The following SVEP1 variants were observed in gnomAD, a reference collection of about 807,000 sequenced individuals.
SVEP1 encodes sushi, von Willebrand factor type A, EGF and pentraxin domain-containing protein 1.
In SVEP1, 164 loss-of-function variants were observed where a neutral mutation model predicts 367.3. The observed-to-expected ratio is 0.45, with a 90% CI of 0.39 to 0.51. The LOEUF is 0.51. SVEP1 is among the 20% of genes least tolerant of loss of function. SVEP1 has a pLI of 0.00. For missense variants in SVEP1, 4,117 were observed against 4,425.3 expected (o/e 0.93, Z 1.98); for synonymous variants, 1,666 against 1,611.6 (o/e 1.03, Z -0.81).
chr9:110,396,146 G>A (rs113778649), intron 40 of SVEP1, among the ~76,000 whole-genome samples: 1 of 152,126 alleles, frequency 6.6e-6, no homozygotes, highest in East Asian at 1.9e-4. Flanking sequence ...ATAACAAACT[G>A]TCTCTCAGAC....
chr9:110,537,111 G>A (rs746064708), intron 3 of SVEP1, among the ~76,000 whole-genome samples: 4 of 151,852 alleles, frequency 2.6e-5, no homozygotes, highest in Non-Finnish European at 5.9e-5. Flanking sequence ...CTTTTTTGAT[G>A]ATAGATAACC....
chr9:110,403,832 C>G (rs964705094), intron 39 of SVEP1, among the ~76,000 whole-genome samples: 1 of 149,682 alleles, frequency 6.7e-6, no homozygotes, highest in Non-Finnish European at 1.5e-5. Flanking sequence ...ACCAACAATA[C>G]AAGATACGTG....
intron 1 of SVEP1, 141 bp downstream of exon 1, chr9:110,578,870 ACT>A: frequency 1.1e-6 from 1 of 877,300 alleles, no homozygotes. Context: ...GGTAGCGATG[ACT>A]CTGGTTTTGT....
At chr9:110,395,291 C>G (rs1280696498) in intron 40 of SVEP1, among the ~76,000 whole-genome samples, 5 of 152,148 alleles carry the variant, frequency 3.3e-5, no homozygotes, top group Admixed American at 2.6e-4. Flanking sequence ...CCTTTACAGA[C>G]AAGCAAATGC....
intron 43 of SVEP1, among the ~76,000 whole-genome samples, chr9:110,381,933 A>G (rs1827444688): frequency 1.3e-5 from 2 of 152,172 alleles, no homozygotes; most frequent in South Asian, 2.1e-4. Context: ...ACCCTTTACC[A>G]TTATGAAATG....
chr9:110,387,196 T>C (rs1827538197), intron 42 of SVEP1, 89 bp downstream of exon 42: 4 of 1,373,410 alleles, frequency 2.9e-6, no homozygotes, highest in South Asian at 3.3e-5. Flanking sequence ...ATATCCCTTA[T>C]GAGTGGAGCT....
In SVEP1 at chr9:110,489,678, G is replaced by A. The variant is rs1231709575; in HGVS notation, c.1902C>T (p.Ala634=). ...TAACCTTGATATGGAAAATGCAGCT[G>A]GCCTGGTTGCCGGATAGGTCAGTTG... ...YTATDLSGNQ[A]SCIFHIKVID... The change falls in exon 9 of 48, where the codon GCC becomes GCT. Residue 634 remains alanine (A), a synonymous_variant. Coordinates refer to ENST00000374469, the MANE Select transcript of SVEP1 (RefSeq NM_153366.4). 1 of 1,613,262 alleles carries A rather than the reference G, an allele frequency of 6.2e-7. No homozygotes were observed. The highest frequency in any genetic ancestry group is 8.5e-7 in the Non-Finnish European group (1 of 1,179,514).
At chr9:110,445,806 T>C (rs1395462569) in intron 26 of SVEP1, 31 bp downstream of exon 26, 1 of 1,611,930 alleles carries the variant, frequency 6.2e-7, no homozygotes, top group Non-Finnish European at 8.5e-7. Context: ...GATAAGATCT[T>C]AAGCATAGCC....
At chr9:110,385,374 T>C (rs564589462) in intron 43 of SVEP1, among the ~76,000 whole-genome samples, 5 of 152,336 alleles carry the variant, frequency 3.3e-5, no homozygotes, top group Admixed American at 2.6e-4. Flanking sequence ...ATTGCATAAA[T>C]GGAGTAACAA....
chr9:110,471,329 C>T, intron 16 of SVEP1, 35 bp downstream of exon 16: 1 of 1,567,024 alleles, frequency 6.4e-7, no homozygotes, highest in Non-Finnish European at 8.8e-7. Context: ...ACCCAGTATG[C>T]ACCAAATATT....
At position 110,482,496 on chromosome 9, in the gene SVEP1, GA is replaced by G. The variant is rs1292182107; in HGVS notation, c.2039-5del. On this transcript the variant is annotated splice_polypyrimidine_tract_variant and splice_region_variant and intron_variant, in intron 10 of 47. Coordinates refer to ENST00000374469, the MANE Select transcript of SVEP1 (RefSeq NM_153366.4). ...CTGGTAATGACCAATTCAGCCCCTGGAAAGGAAAGAAGGCAGCCAATTTTTG... is the reference window on the plus strand; with the variant it reads ...CTGGTAATGACCAATTCAGCCCCTGGAAGGAAAGAAGGCAGCCAATTTTTG... 6.4e-7 allele frequency: 1 copy of G among 1,560,552 alleles called. No homozygotes were observed. The highest frequency in any genetic ancestry group is 8.7e-7 in the Non-Finnish European group (1 of 1,151,672).
At chr9:110,417,381 C>A (rs1235998831) in intron 36 of SVEP1, among the ~76,000 whole-genome samples, 1 of 91,680 alleles carries the variant, frequency 1.1e-5, no homozygotes, top group Non-Finnish European at 2.2e-5. Context: ...TCGGGTCACT[C>A]CCACCCGAAT....
intron 9 of SVEP1, among the ~76,000 whole-genome samples, chr9:110,486,465 A>T (rs981004067): frequency 9.2e-5 from 14 of 152,160 alleles, no homozygotes; most frequent in Non-Finnish European, 1.9e-4. Context: ...ACTCTCATTT[A>T]TCATAAGGGT....
chr9:110,391,122 A>G (rs1034730383), intron 40 of SVEP1, among the ~76,000 whole-genome samples: 4 of 152,182 alleles, frequency 2.6e-5, no homozygotes, highest in Non-Finnish European at 5.9e-5. Flanking sequence ...CAAATTTCCA[A>G]TTGTTGCATA....
At chr9:110,453,767 G>T (rs1828735006) in intron 22 of SVEP1, among the ~76,000 whole-genome samples, 1 of 151,918 alleles carries the variant, frequency 6.6e-6, no homozygotes, top group Non-Finnish European at 1.5e-5. Context: ...TACTTGGGAG[G>T]CTAAGACAGG....
In SVEP1 at chr9:110,579,312, G is replaced by A; in HGVS notation, c.232C>T (p.Leu78Phe). The change falls in exon 1 of 48, where the codon CTC becomes TTC. Residue 78 changes from leucine (L) to phenylalanine (F), a missense_variant. By Grantham distance (22) the Leu-to-Phe change is conservative. Coordinates refer to ENST00000374469, the MANE Select transcript of SVEP1 (RefSeq NM_153366.4). The surrounding 1 kb of genome is among the most constrained non-coding windows in gnomAD (Gnocchi z 5.3). ...AAGACAAGCTCCAGGCGCTCGCTGA[G>A]CTCCCGCAGCAGCCGCACGCGTCGC... ...FRRRVRLLRE[L>F]SERLELVFLV... 1 of 1,563,740 alleles carries A rather than the reference G, an allele frequency of 6.4e-7. No individual in the cohort carries two copies. The highest frequency in any genetic ancestry group is 1.9e-5 in the Admixed American group (1 of 52,538).
rs751805783 is a variant in SVEP1 at position 110,427,671 on chromosome 9, T to C, written c.5895A>G (p.Glu1965=). Reference sequence around the variant, plus strand: ...TGACAGCATCTTTGATGGCAGGTGGTTCTCCACAGAAGACGAGGTGACAGG... The same window carrying C: ...TGACAGCATCTTTGATGGCAGGTGGCTCTCCACAGAAGACGAGGTGACAGG... ...PPACHLVFCG[E]PPAIKDAVIT... is the part of the protein sequence containing the mutation. Residue 1965 remains glutamate (E), a synonymous_variant, in exon 36 of 48, where the codon GAA becomes GAG. Transcript: ENST00000374469. The C allele has an allele frequency of 3.7e-6, 6 of 1,613,762 alleles. No homozygotes were observed. Among genetic ancestry groups the C allele is most frequent in the African/African-American group, 2.7e-5 (2 of 74,906 alleles).
At chr9:110,556,077 A>G (rs939046156) in intron 1 of SVEP1, among the ~76,000 whole-genome samples, 1 of 152,154 alleles carries the variant, frequency 6.6e-6, no homozygotes, top group African/African-American at 2.4e-5. Context: ...AAAACTCAAC[A>G]TGGACTTTGT....
At chr9:110,432,314 AGC>A in intron 31 of SVEP1, 146 bp downstream of exon 31, 1 of 1,054,218 alleles carries the variant, frequency 9.5e-7, no homozygotes, top group Non-Finnish European at 1.3e-6. Context: ...CTCTACATAC[AGC>A]TGCTTTGTCA....
Sources: allele counts gnomAD v4.1 joint callset (sites outside exome capture counted in the v4.1 genomes callset), GRCh38; gene constraint gnomAD v4.1.1; non-coding constraint Gnocchi (gnomAD v3.1); transcripts MANE v1.5; gene names NCBI Gene and HGNC (gene_info 2026-07-23, HGNC 2026-07-21).